The following KMT2B variants were observed in gnomAD, a reference collection of about 807,000 sequenced individuals.
The protein encoded by KMT2B is lysine methyltransferase 2B.
KMT2B carries 22 observed loss-of-function variants against 255.3 expected under a neutral mutation model. The ratio of observed to expected loss-of-function variants is 0.09; its 90% CI spans 0.06 to 0.12. KMT2B has a LOEUF of 0.12. KMT2B is among the 10% of genes least tolerant of loss of function. The probability of loss-of-function intolerance (pLI) is 1.00; values close to 1 mark genes in which losing one functional copy is unlikely to be tolerated. For synonymous variants in KMT2B, 1,730 were observed against 1,498.1 expected, an observed-to-expected ratio of 1.15 and a Z score of -3.57; for missense variants, 3,149 against 3,737.0, an observed-to-expected ratio of 0.84 and a Z score of 4.10.
At position 35,725,470 on chromosome 19, in the gene KMT2B, T is replaced by G; in HGVS notation, c.3643-9T>G. 6.2e-7 allele frequency: 1 copy of G among 1,610,086 alleles called. No homozygotes were observed. The highest frequency in any genetic ancestry group is 8.5e-7 in the Non-Finnish European group (1 of 1,179,876). On this transcript the variant is annotated splice_polypyrimidine_tract_variant and intron_variant, in intron 11 of 36. Transcript: ENST00000420124. The surrounding 1 kb of genome is among the most constrained non-coding windows in gnomAD (Gnocchi z 4.1). The stretch of plus-strand genomic sequence containing the variant: ...ATGCCCATCATTCACTCCTTTACCC[T>G]GTCCCCAGCTGGTGTTCTGTCAAGT...
Position 35,732,486 on chromosome 19 carries a change from C to G in KMT2B, c.5937C>G (p.Asp1979Glu). The G allele has an allele frequency of 6.2e-7, 1 of 1,613,920 alleles. No homozygotes were observed. The highest frequency in any genetic ancestry group is 8.5e-7 in the Non-Finnish European group (1 of 1,179,856). The change falls in exon 28 of 37, where the codon GAC becomes GAG. Residue 1979 changes from aspartate to glutamate, a missense_variant. By Grantham distance (45) the Asp-to-Glu change is conservative (BLOSUM62 2). Around this residue, in one of 18 missense-constraint regions of KMT2B, gnomAD observed 897 missense variants for 825.3 expected, o/e 1.09. Coordinates refer to ENST00000420124, the MANE Select transcript of KMT2B (RefSeq NM_014727.3). ...PPEDLGPDFE[D>E]MEVVSGLSAA... ...AAGACCTGGGCCCAGACTTCGAGGA[C>G]ATGGAGGTGGTGTCAGGACTGAGTG...
rs1969657173 is a variant in KMT2B at position 35,730,700 on chromosome 19, A to G, written c.5277-7A>G. The G allele has an allele frequency of 1.9e-6, 3 of 1,613,742 alleles. No individual in the cohort carries two copies. The highest frequency in any genetic ancestry group is 1.3e-5 in the African/African-American group (1 of 74,916). On this transcript the variant is annotated splice_region_variant and splice_polypyrimidine_tract_variant and intron_variant, in intron 25 of 36. Coordinates refer to ENST00000420124, the MANE Select transcript of KMT2B (RefSeq NM_014727.3). ...AAGCATCCTAACCGTCTTATCCCAC[A>G]TGCCAGGTGCTCCCGTCTGTACTGG...
Position 35,729,180 on chromosome 19 carries a change from A to C in KMT2B, c.4801A>C (p.Ile1601Leu). The change falls in exon 22 of 37, where the codon ATC becomes CTC. Residue 1601 changes from isoleucine to leucine, a missense_variant. Physicochemically the swap from Ile to Leu is conservative, Grantham distance 5. Transcript: ENST00000420124. ...CCAGGAGGCGGGGCGGCTCTTGTACATCGGGCAGAACGAGTGGACACACGT... is the reference window on the plus strand; with the variant it reads ...CCAGGAGGCGGGGCGGCTCTTGTACCTCGGGCAGAACGAGTGGACACACGT... ...DSKEAGRLLY[I>L]GQNEWTHVNC... 6.2e-7 allele frequency: 1 copy of C among 1,613,446 alleles called. No homozygotes were observed. The highest frequency in any genetic ancestry group is 8.5e-7 in the Non-Finnish European group (1 of 1,179,652).
In KMT2B at chr19:35,718,906, C is replaced by T. The variant is rs543195241; in HGVS notation, c.363+525C>T. ...GTGGGATGAAGGCCGGGACTGGGCA[C>T]TCTAGCAGGTCAGAGCTCAGCTCAG... On this transcript the variant is annotated intron_variant, in intron 1 of 36. Transcript: ENST00000420124. This position sits in a 1 kb window ranked among gnomAD's most constrained non-coding sequence, Gnocchi z 5.0. Among the ~76,000 whole-genome samples the T allele has an allele frequency of 1.8e-4, 28 of 152,274 alleles. No homozygotes were observed. The highest frequency in any genetic ancestry group is 3.2e-4 in the Non-Finnish European group (22 of 68,012).
rs1367420975 is a variant in KMT2B at position 35,718,003 on chromosome 19, C to T, written c.-16C>T. 5.8e-5 allele frequency: 57 copies of T among 986,030 alleles called. No homozygotes were observed. Among genetic ancestry groups the T allele is most frequent in the Non-Finnish European group, 6.9e-5 (57 of 831,274 alleles). 61.1% of individuals were successfully genotyped at this position (986,030 alleles called of 1,614,324 possible). A position where few individuals can be genotyped will look rare whatever the true frequency, so the allele number is the denominator to read the frequency against. On this transcript the variant is annotated 5_prime_UTR_variant, in exon 1 of 37. Transcript: ENST00000420124. This position sits in a 1 kb window ranked among gnomAD's most constrained non-coding sequence, Gnocchi z 5.0. ...GCCCCTCCCCCCGCCTCCCCGGCCC[C>T]TCTCACGGTGCCAAGATGGCGGCGG...
In KMT2B at chr19:35,723,439, C is replaced by T. The variant is rs371796706; in HGVS notation, c.3003-8C>T. On this transcript the variant is annotated splice_polypyrimidine_tract_variant and splice_region_variant and intron_variant, in intron 6 of 36. Coordinates refer to ENST00000420124, the MANE Select transcript of KMT2B (RefSeq NM_014727.3). The surrounding 1 kb of genome is among the most constrained non-coding windows in gnomAD (Gnocchi z 7.5). ...CCTACCCTGGTGACGTGCTGCTCCC[C>T]TCCCCAGATACCGGAAGTGTGACAA... 27 of 1,574,398 alleles carry T rather than the reference C, an allele frequency of 1.7e-5. No individual in the cohort carries two copies. The highest frequency in any genetic ancestry group is 1.2e-4 in the African/African-American group (9 of 73,768).
In KMT2B at chr19:35,730,145, T is replaced by C; in HGVS notation, c.5076+20T>C. ...GGCAAGGTGGGCCAGAACTGTGGGG[T>C]ACACGGTTCCTTCCCCACCTCTCTT... On this transcript the variant is annotated intron_variant, in intron 23 of 36. Transcript: ENST00000420124. 6.2e-7 allele frequency: 1 copy of C among 1,612,986 alleles called. No individual in the cohort carries two copies.
Position 35,720,446 on chromosome 19 carries a change from GAGA to G in KMT2B, c.1104_1106del (p.Lys369del), listed in dbSNP as rs749629771. The G allele has an allele frequency of 3.9e-6, 6 of 1,552,744 alleles. No homozygotes were observed. The South Asian group carries it at 5.9e-5, about 15-fold the overall frequency. ...ACAGAAGCTGGATGACGAGGAAGAA[GAGA>G]AGAAAGAAGAAGAAGAAAAAGACAA... On this transcript the variant is annotated inframe_deletion, in exon 3 of 37. Transcript: ENST00000420124.
In KMT2B at chr19:35,731,963, T is replaced by C; in HGVS notation, c.5493T>C (p.Ala1831=). The C allele has an allele frequency of 2.5e-6, 4 of 1,613,718 alleles. No homozygotes were observed. The highest frequency in any genetic ancestry group is 3.4e-6 in the Non-Finnish European group (4 of 1,179,790). The change falls in exon 27 of 37, where the codon GCT becomes GCC. Residue 1831 remains alanine, a synonymous_variant. Transcript: ENST00000420124. ...ACACAGATGTTCTTGTCCCTGGAGC[T>C]CCTGAGCGCCACTCGCCCATTCAGA... ...PLDTDVLVPG[A]PERHSPIQNL... is the part of the protein sequence containing the mutation.
In KMT2B at chr19:35,738,750, G is replaced by A. The variant is rs1201460531; in HGVS notation, c.*193G>A. On this transcript the variant is annotated 3_prime_UTR_variant, in exon 37 of 37. Coordinates refer to ENST00000420124, the MANE Select transcript of KMT2B (RefSeq NM_014727.3). This position sits in a 1 kb window ranked among gnomAD's most constrained non-coding sequence, Gnocchi z 8.7. Reference sequence around the variant, plus strand: ...CCCATCCAGCAATCGCCCCCTTTCTGCCCTGGGGGCCCAGGATGTAGATAT... The same window carrying A: ...CCCATCCAGCAATCGCCCCCTTTCTACCCTGGGGGCCCAGGATGTAGATAT... The A allele has an allele frequency of 1.6e-6, 1 of 616,386 alleles. No individual in the cohort carries two copies. Among genetic ancestry groups the A allele is most frequent in the South Asian group, 2.1e-5 (1 of 48,622 alleles). The allele number at this position is 616,386 out of a possible 1,614,324, so 38.2% of individuals were successfully genotyped here. A position where few individuals can be genotyped will look rare whatever the true frequency, so the allele number is the denominator to read the frequency against.
chr19:35,726,436 T>C, intron 14 of KMT2B, 83 bp downstream of exon 14: 1 of 899,542 alleles, frequency 1.1e-6, no homozygotes. Flanking sequence ...ACAGACCCTC[T>C]TTTCTCATGG....
Position 35,737,907 on chromosome 19 carries a change from TAAG to T in KMT2B, c.7712_7714del (p.Lys2571del). 5 of 1,591,330 alleles carry T rather than the reference TAAG, an allele frequency of 3.1e-6. No individual in the cohort carries two copies. Among genetic ancestry groups the T allele is most frequent in the Non-Finnish European group, 4.3e-6 (5 of 1,167,998 alleles). ...CCATGGCCATGCGTTTTCGTCACCT[TAAG>T]AAGACGTCCAAAGAAGCTGTGGGTG... On this transcript the variant is annotated inframe_deletion, in exon 35 of 37. Transcript: ENST00000420124. This position sits in a 1 kb window ranked among gnomAD's most constrained non-coding sequence, Gnocchi z 5.3.
chr19:35,725,888 G>T lies in KMT2B; in HGVS notation c.3885+70G>T. The T allele has an allele frequency of 1.5e-6, 2 of 1,303,276 alleles. No homozygotes were observed. The highest frequency in any genetic ancestry group is 2.2e-6 in the Non-Finnish European group (2 of 922,222). 80.7% of individuals were successfully genotyped at this position (1,303,276 alleles called of 1,614,324 possible). The stretch of plus-strand genomic sequence containing the variant: ...CACCACCACCCCCAAACTTGCTCTA[G>T]GCTGGGGCTCTCAGGAGGAGCAGAG... On this transcript the variant is annotated intron_variant, in intron 13 of 36. Coordinates refer to ENST00000420124, the MANE Select transcript of KMT2B (RefSeq NM_014727.3). This position sits in a 1 kb window ranked among gnomAD's most constrained non-coding sequence, Gnocchi z 4.1.
At position 35,725,983 on chromosome 19, in the gene KMT2B, A is replaced by G. The variant is rs1431516224; in HGVS notation, c.3885+165A>G. Among the ~76,000 whole-genome samples, 1 of 152,230 alleles carries G rather than the reference A, an allele frequency of 6.6e-6. No homozygotes were observed. The highest frequency in any genetic ancestry group is 2.4e-5 in the African/African-American group (1 of 41,462). On this transcript the variant is annotated intron_variant, in intron 13 of 36. Coordinates refer to ENST00000420124, the MANE Select transcript of KMT2B (RefSeq NM_014727.3). This position sits in a 1 kb window ranked among gnomAD's most constrained non-coding sequence, Gnocchi z 4.1. ...AAAATTTCACATAGGTCAGATTTAT[A>G]TTCAGAATTTGCATGGAGTGGTTTT...
chr19:35,723,922 A>T lies in KMT2B; in HGVS notation c.3249A>T (p.Arg1083=). 6.2e-7 allele frequency: 1 copy of T among 1,611,946 alleles called. No individual in the cohort carries two copies. The highest frequency in any genetic ancestry group is 8.5e-7 in the Non-Finnish European group (1 of 1,179,560). Residue 1083 remains arginine, a synonymous_variant, in exon 8 of 37, where the codon CGA becomes CGT. Coordinates refer to ENST00000420124, the MANE Select transcript of KMT2B (RefSeq NM_014727.3). This position sits in a 1 kb window ranked among gnomAD's most constrained non-coding sequence, Gnocchi z 7.5. ...CAGCTCGGCGCTGCGTCAAACAGCGACCCTCCTATGATATCTTCGAGGATT... is the reference window on the plus strand; with the variant it reads ...CAGCTCGGCGCTGCGTCAAACAGCGTCCCTCCTATGATATCTTCGAGGATT... ...RKSARRCVKQ[R]PSYDIFEDSD... is the part of the protein sequence containing the mutation.
Position 35,738,022 on chromosome 19 carries a change from C to A in KMT2B, c.7743-40C>A. On this transcript the variant is annotated intron_variant, in intron 35 of 36. Transcript: ENST00000420124. This position sits in a 1 kb window ranked among gnomAD's most constrained non-coding sequence, Gnocchi z 8.7. ...GTAGGGGGTACTGTCTGGTTTCTGT[C>A]CCCCTCCCCCCTGAGTTCCCTGTTC... is the stretch of plus-strand genomic sequence containing the variant. The A allele has an allele frequency of 6.2e-7, 1 of 1,613,376 alleles. No homozygotes were observed. Among genetic ancestry groups the A allele is most frequent in the Non-Finnish European group, 8.5e-7 (1 of 1,179,636 alleles).
At position 35,737,978 on chromosome 19, in the gene KMT2B, G is replaced by A; in HGVS notation, c.7742+36G>A. ...TTGGGGGGGAGGATGCCCCTTGGGT[G>A]GACGGACAGGTGCACTGGGTAGGGG... On this transcript the variant is annotated intron_variant, in intron 35 of 36. Coordinates refer to ENST00000420124, the MANE Select transcript of KMT2B (RefSeq NM_014727.3). This position sits in a 1 kb window ranked among gnomAD's most constrained non-coding sequence, Gnocchi z 5.3. 1 of 1,607,908 alleles carries A rather than the reference G, an allele frequency of 6.2e-7. No homozygotes were observed. The highest frequency in any genetic ancestry group is 8.5e-7 in the Non-Finnish European group (1 of 1,176,858).
Position 35,723,317 on chromosome 19 carries a change from C to T in KMT2B, c.3002+43C>T, listed in dbSNP as rs1223233079. ...GACCTCATTCCCGTGGTTGTTGGTC[C>T]CCTAGGCTTCCTACCTCACTCCTCT... On this transcript the variant is annotated intron_variant, in intron 6 of 36. Coordinates refer to ENST00000420124, the MANE Select transcript of KMT2B (RefSeq NM_014727.3). This position sits in a 1 kb window ranked among gnomAD's most constrained non-coding sequence, Gnocchi z 7.5. The T allele has an allele frequency of 6.3e-7, 1 of 1,590,874 alleles. No individual in the cohort carries two copies. Among genetic ancestry groups the T allele is most frequent in the Non-Finnish European group, 8.6e-7 (1 of 1,165,170 alleles).
chr19:35,723,976 T>A lies in KMT2B; in HGVS notation c.3303T>A (p.Pro1101=). The part of the protein sequence containing the change: ...DSDDSEPGGP[P]APRRRTPREN... ...ATGACTCGGAGCCCGGGGGCCCCCCTGCTCCTCGGCGTCGGACCCCCCGAG... is the reference window on the plus strand; with the variant it reads ...ATGACTCGGAGCCCGGGGGCCCCCCAGCTCCTCGGCGTCGGACCCCCCGAG... The change falls in exon 8 of 37, where the codon CCT becomes CCA. Residue 1101 remains proline, a synonymous_variant. Coordinates refer to ENST00000420124, the MANE Select transcript of KMT2B (RefSeq NM_014727.3). This position sits in a 1 kb window ranked among gnomAD's most constrained non-coding sequence, Gnocchi z 7.5. 1 of 1,605,004 alleles carries A rather than the reference T, an allele frequency of 6.2e-7. No individual in the cohort carries two copies. Among genetic ancestry groups the A allele is most frequent in the African/African-American group, 1.3e-5 (1 of 74,642 alleles).
Sources: allele counts gnomAD v4.1 joint callset (sites outside exome capture counted in the v4.1 genomes callset), GRCh38; gene constraint gnomAD v4.1.1; regional missense constraint gnomAD v4.1.1; non-coding constraint Gnocchi (gnomAD v3.1); transcripts MANE v1.5; gene names NCBI Gene and HGNC (gene_info 2026-07-23, HGNC 2026-07-21).